The following CYP20A1 variants were observed in gnomAD, a reference collection of about 807,000 sequenced individuals.
CYP20A1 encodes cytochrome P450 family 20 subfamily A member 1.
CYP20A1 carries 61 observed loss-of-function variants against 61.4 expected under a neutral mutation model. That is an observed-to-expected ratio of 0.99 (90% CI 0.81 to 1.23). The LOEUF is 1.23. Ranked by LOEUF, CYP20A1 falls within the 50% of genes most tolerant of loss-of-function variation. CYP20A1 has a pLI of 0.00. For missense variants in CYP20A1, 530 were observed against 542.4 expected (o/e 0.98, Z 0.23); for synonymous variants, 193 against 188.2 (o/e 1.03, Z -0.21).
intron 7 of CYP20A1, among the ~76,000 whole-genome samples, chr2:203,279,649 A>T (rs1418948123): frequency 6.6e-6 from 1 of 152,178 alleles, no homozygotes; most frequent in Non-Finnish European, 1.5e-5. Flanking sequence ...CAGGACAGGG[A>T]TGAGATCTTC....
In CYP20A1 at chr2:203,287,964, T is replaced by G. The variant is rs373745035; in HGVS notation, c.972-1801T>G. 5.9e-5 allele frequency among the ~76,000 whole-genome samples: 9 copies of G among 152,000 alleles called. No homozygotes were observed. The East Asian group carries it at 9.7e-4, about 16-fold the overall frequency. The stretch of plus-strand genomic sequence containing the variant: ...GTTTTTGGTTTTGGGGTGGAGTGTT[T>G]TTTTATCGTCGGTGGTGGTTTGAGT... On this transcript the variant is annotated intron_variant, in intron 9 of 12. Transcript: ENST00000356079.
intron 1 of CYP20A1, among the ~76,000 whole-genome samples, chr2:203,241,277 T>C (rs1435971720): frequency 1.3e-5 from 2 of 152,160 alleles, no homozygotes; most frequent in African/African-American, 4.8e-5. Flanking sequence ...TTGGGTGGGC[T>C]AGGTTTGAGA....
chr2:203,286,926 GAT>G (rs1368898230), intron 9 of CYP20A1, among the ~76,000 whole-genome samples: 2 of 151,798 alleles, frequency 1.3e-5, no homozygotes, highest in Non-Finnish European at 2.9e-5. Flanking sequence ...CTATAGAAAA[GAT>G]AGAGTGGCTG....
At chr2:203,244,368 A>G (rs2066374151) in intron 1 of CYP20A1, among the ~76,000 whole-genome samples, 1 of 151,634 alleles carries the variant, frequency 6.6e-6, no homozygotes, top group South Asian at 2.1e-4. Context: ...TGCCCAGCTA[A>G]TTTTTGTATT....
chr2:203,253,956 C>CT (rs1268241850), intron 4 of CYP20A1, among the ~76,000 whole-genome samples: 181 of 150,638 alleles, frequency 1.2e-3, no homozygotes, highest in Admixed American at 2.8e-3. Context: ...TTCTTTTTTT[C>CT]TTTTTTTTTG....
intron 11 of CYP20A1, 44 bp downstream of exon 11, chr2:203,292,370 G>A: frequency 6.9e-7 from 1 of 1,439,346 alleles, no homozygotes; most frequent in East Asian, 2.3e-5. Context: ...CAGTTTTTGT[G>A]TTTGCACGTT....
chr2:203,292,187 T>C (rs2068565467), intron 10 of CYP20A1, 75 bp from the exon 11 acceptor site: 7 of 852,284 alleles, frequency 8.2e-6, no homozygotes, highest in Non-Finnish European at 1.3e-5. Flanking sequence ...TAAAAGAAGT[T>C]TGGAATAAGT....
intron 8 of CYP20A1, among the ~76,000 whole-genome samples, chr2:203,281,788 G>A (rs578149399): frequency 6.6e-6 from 1 of 151,902 alleles, no homozygotes; most frequent in South Asian, 2.1e-4. Context: ...GTGACAGAGC[G>A]ACACTCTGTC....
chr2:203,243,065 T>A (rs1289577749), intron 1 of CYP20A1, among the ~76,000 whole-genome samples: 1 of 152,188 alleles, frequency 6.6e-6, no homozygotes. Flanking sequence ...CCTGGTGCAT[T>A]CACTCTCCAA....
chr2:203,243,683 C>T (rs1206816950), intron 1 of CYP20A1, among the ~76,000 whole-genome samples: 1 of 126,116 alleles, frequency 7.9e-6, no homozygotes, highest in Non-Finnish European at 1.6e-5. Context: ...TGCGCCTGGC[C>T]TCTTTTTTTT....
intron 8 of CYP20A1, among the ~76,000 whole-genome samples, chr2:203,283,617 C>T (rs1318014724): frequency 1.3e-5 from 2 of 149,026 alleles, no homozygotes; most frequent in Non-Finnish European, 3.0e-5. Context: ...GGCGCCATCT[C>T]GGCTCACTGC....
intron 4 of CYP20A1, among the ~76,000 whole-genome samples, chr2:203,259,022 C>T (rs2067026555): frequency 6.6e-6 from 1 of 152,032 alleles, no homozygotes; most frequent in Admixed American, 6.6e-5. Context: ...TGTTAAAAGC[C>T]TTAATTATTT....
In CYP20A1 at chr2:203,268,864, G is replaced by A. The variant is rs560737258; in HGVS notation, c.600+2183G>A. On this transcript the variant is annotated intron_variant, in intron 5 of 12. Coordinates refer to ENST00000356079, the MANE Select transcript of CYP20A1 (RefSeq NM_177538.3). ...GAAATACCAAGGGATGGCCATTGTC[G>A]AGTCATGCCACCAGGAGTAATAACC... Among the ~76,000 whole-genome samples the A allele has an allele frequency of 3.9e-5, 6 of 152,100 alleles. No homozygotes were observed. The South Asian group carries it at 1.0e-3, about 26-fold the overall frequency.
rs961416681 is a variant in CYP20A1, at chr2:203,304,572, T to C, written c.*7664T>C. 6.6e-6 allele frequency among the ~76,000 whole-genome samples: 1 copy of C among 152,216 alleles called. No homozygotes were observed. Among genetic ancestry groups the C allele is most frequent in the African/African-American group, 2.4e-5 (1 of 41,458 alleles). On this transcript the variant is annotated 3_prime_UTR_variant, in exon 13 of 13. Transcript: ENST00000356079. ...TTCTGTGACTGTTTATATTTTTCCC[T>C]GTTCCACATACATACATTTTTACAT...
intron 6 of CYP20A1, among the ~76,000 whole-genome samples, chr2:203,273,677 C>T (rs1559099048): frequency 6.6e-6 from 1 of 152,120 alleles, no homozygotes; most frequent in Non-Finnish European, 1.5e-5. Flanking sequence ...AGTGCGGTAG[C>T]TCACACCTGC....
chr2:203,270,938 C>T (rs2067541041), intron 5 of CYP20A1, among the ~76,000 whole-genome samples: 1 of 145,632 alleles, frequency 6.9e-6, no homozygotes. Flanking sequence ...AGCAATCTGC[C>T]CGCCTTGACC....
At position 203,281,235 on chromosome 2, in the gene CYP20A1, G is replaced by A. The variant is rs1046560674; in HGVS notation, c.850+1122G>A. ...AAGGAAGTATTAGGGGACCAGGCAA[G>A]GTGGCTCACAGCTATAATGCCAGCA... On this transcript the variant is annotated intron_variant, in intron 8 of 12. Coordinates refer to ENST00000356079, the MANE Select transcript of CYP20A1 (RefSeq NM_177538.3). Among the ~76,000 whole-genome samples, 89 of 152,108 alleles carry A rather than the reference G, an allele frequency of 5.9e-4. 6 individuals carry two copies. The highest frequency in any genetic ancestry group is 1.5e-5 in the Non-Finnish European group (1 of 68,020).
At chr2:203,268,378 C>T (rs989693710) in intron 5 of CYP20A1, among the ~76,000 whole-genome samples, 2 of 152,138 alleles carry the variant, frequency 1.3e-5, no homozygotes, top group African/African-American at 4.8e-5. Flanking sequence ...TGGAACAGTT[C>T]CTCAGCTTTT....
chr2:203,290,382 C>T (rs1202204971), intron 10 of CYP20A1, among the ~76,000 whole-genome samples: 5 of 152,138 alleles, frequency 3.3e-5, no homozygotes, highest in Non-Finnish European at 7.3e-5. Flanking sequence ...CCAAAAGGTA[C>T]TACTGTTAGC....
Sources: gnomAD v4.1 joint callset for allele counts (sites outside exome capture counted in the v4.1 genomes callset) on GRCh38, gnomAD v4.1.1 for gene constraint, MANE v1.5 for transcripts, NCBI Gene and HGNC (gene_info 2026-07-23, HGNC 2026-07-21) for gene names.